Variants in CYP2J2 observed in about 807,000 individuals in gnomAD.
CYP2J2 encodes cytochrome P450 2J2.
In CYP2J2, 41 loss-of-function variants were observed where a neutral mutation model predicts 48.8. The ratio of observed to expected loss-of-function variants is 0.84; its 90% confidence interval spans 0.66 to 1.09. The LOEUF is 1.09. Ranked by LOEUF, CYP2J2 falls within the 50% of genes least tolerant of loss-of-function variation. The pLI, the probability that CYP2J2 is intolerant of heterozygous loss-of-function variation, is 0.00. For synonymous variants in CYP2J2, 221 were observed against 227.1 expected (o/e 0.97, Z 0.24); for missense variants, 644 against 617.3 (o/e 1.04, Z -0.46).
At chr1:59,958,335 A>G in the CYP2J2 span, among the ~76,000 whole-genome samples, 1 of 152,128 alleles carries the variant, frequency 6.6e-6, no homozygotes. Context: ...TTTATTATCA[A>G]CAAAATTTTC....
the CYP2J2 span, among the ~76,000 whole-genome samples, chr1:59,946,918 CTTA>C: frequency 6.6e-6 from 1 of 151,690 alleles, no homozygotes; most frequent in African/African-American, 2.4e-5. Flanking sequence ...GCATATAGTT[CTTA>C]TTAATTCCTG....
Position 59,926,512 on chromosome 1 carries a change from G to A in CYP2J2, c.210+25C>T, listed in dbSNP as rs964878911. 4.4e-6 allele frequency: 7 copies of A among 1,593,618 alleles called. No homozygotes were observed. In the African/African-American group the frequency reaches 5.4e-5, roughly 12 times the overall value. On this transcript the variant is annotated intron_variant, in intron 1 of 8. Transcript: ENST00000371204. The stretch of plus-strand genomic sequence containing the variant: ...CAGAACAGAGTTAGGGTCAGGACAC[G>A]CTAGGCACCTTCTCCCACTCCTACC...
At chr1:59,896,486 C>A (rs563842486) in intron 8 of CYP2J2, among the ~76,000 whole-genome samples, 19 of 152,006 alleles carry the variant, frequency 1.2e-4, no homozygotes, top group Non-Finnish European at 7.4e-5. Context: ...TTATTTGCAA[C>A]TTCCTCTCAT....
chr1:59,955,507 C>A, the CYP2J2 span, among the ~76,000 whole-genome samples: 1 of 151,982 alleles, frequency 6.6e-6, no homozygotes, highest in African/African-American at 2.4e-5. Flanking sequence ...AGGATATTTT[C>A]ATGATCTTAA....
At chr1:59,916,984 T>C (rs1476500905) in intron 1 of CYP2J2, among the ~76,000 whole-genome samples, 2 of 152,144 alleles carry the variant, frequency 1.3e-5, no homozygotes, top group African/African-American at 4.8e-5. Flanking sequence ...GTATGCTAGA[T>C]AATACGAGGT....
intron 8 of CYP2J2, among the ~76,000 whole-genome samples, chr1:59,898,812 C>T (rs528260858): frequency 6.6e-6 from 1 of 152,302 alleles, no homozygotes; most frequent in South Asian, 2.1e-4. Flanking sequence ...CTATTAATAA[C>T]TGGGCTGTTG....
intron 1 of CYP2J2, among the ~76,000 whole-genome samples, chr1:59,926,252 G>A (rs1644562916): frequency 6.6e-6 from 1 of 152,144 alleles, no homozygotes; most frequent in Non-Finnish European, 1.5e-5. Flanking sequence ...ATATAAAAGA[G>A]GGCAAGGTAA....
the CYP2J2 span, among the ~76,000 whole-genome samples, chr1:59,937,909 CTT>C: frequency 3.9e-5 from 6 of 152,006 alleles, no homozygotes; most frequent in Admixed American, 3.9e-4. Context: ...AGAATTTCTG[CTT>C]GATTCTTTTT....
intron 7 of CYP2J2, chr1:59,904,309 ATACAT>A (rs1644346540): frequency 6.6e-6 from 1 of 152,224 alleles, no homozygotes; most frequent in African/African-American, 2.4e-5. Flanking sequence ...AAATAAATAC[ATACAT>A]TAATTAATAA....
upstream of CYP2J2, among the ~76,000 whole-genome samples, chr1:59,927,420 C>A (rs1341502042): frequency 1.3e-5 from 2 of 152,132 alleles, no homozygotes; most frequent in Non-Finnish European, 2.9e-5. Flanking sequence ...CTCTCCAAAG[C>A]CCCAAGACTG....
chr1:59,954,510 A>G, the CYP2J2 span, among the ~76,000 whole-genome samples: 11 of 151,732 alleles, frequency 7.2e-5, no homozygotes, highest in African/African-American at 2.7e-4. Flanking sequence ...TGAATTAAAT[A>G]ACCATTTTGA....
chr1:59,966,316 T>C, the CYP2J2 span, among the ~76,000 whole-genome samples: 2 of 152,202 alleles, frequency 1.3e-5, no homozygotes, highest in African/African-American at 4.8e-5. Context: ...TCTACTTATA[T>C]CCTTTCATGG....
chr1:59,957,942 A>G, the CYP2J2 span, among the ~76,000 whole-genome samples: 1 of 152,172 alleles, frequency 6.6e-6, no homozygotes, highest in Admixed American at 6.5e-5. Context: ...CTAGGAAATT[A>G]TGGAGCAATA....
rs2229191 is a variant in CYP2J2, at chr1:59,907,828, G to A, written c.961C>T (p.Arg321Ter). The change falls in exon 6 of 9, where the codon CGA becomes TGA. Residue 321 changes from arginine to a stop codon, truncating the protein, a stop_gained. Coordinates refer to ENST00000371204, the MANE Select transcript of CYP2J2 (RefSeq NM_000775.4). LOFTEE classifies it high-confidence loss of function. ...AGGGCCATATAAAGCAGAGCCCATC[G>A]CAGAGTTGTGGAAGTTGTCTCGGTT... ...AGTETTSTTL[R>*]WALLYMALYP... 6.2e-6 allele frequency: 10 copies of A among 1,614,040 alleles called. No homozygotes were observed. In the East Asian group the frequency reaches 8.9e-5, roughly 14 times the overall value.
the CYP2J2 span, among the ~76,000 whole-genome samples, chr1:59,956,100 T>C: frequency 6.6e-6 from 1 of 151,780 alleles, no homozygotes; most frequent in Non-Finnish European, 1.5e-5. Context: ...AGGGAGAAAG[T>C]GAATGGGAAA....
At chr1:59,923,036 T>A (rs539919059) in intron 1 of CYP2J2, among the ~76,000 whole-genome samples, 2 of 152,180 alleles carry the variant, frequency 1.3e-5, no homozygotes, top group Non-Finnish European at 2.9e-5. Flanking sequence ...AGAGGGCAAA[T>A]TAGGCTTTCC....
chr1:59,950,020 G>A, the CYP2J2 span, among the ~76,000 whole-genome samples: 1 of 152,116 alleles, frequency 6.6e-6, no homozygotes, highest in African/African-American at 2.4e-5. Context: ...AAGAAGCATA[G>A]TCCAATTCAA....
intron 1 of CYP2J2, among the ~76,000 whole-genome samples, chr1:59,918,402 C>A (rs571089659): frequency 2.8e-4 from 42 of 152,144 alleles, no homozygotes; most frequent in Non-Finnish European, 5.4e-4. Flanking sequence ...CTGAAATAAA[C>A]TTCCTAAGAA....
At position 59,904,853 on chromosome 1, in the gene CYP2J2, GA is replaced by G; in HGVS notation, c.1191+17del. ...TTCTACCCCCCTAAAAGATGGGCTT[GA>G]AGATCTGCTTAATTACCTTGGGCAG... is the stretch of plus-strand genomic sequence containing the variant. On this transcript the variant is annotated intron_variant, in intron 7 of 8. Coordinates refer to ENST00000371204, the MANE Select transcript of CYP2J2 (RefSeq NM_000775.4). The G allele has an allele frequency of 1.2e-6, 2 of 1,606,372 alleles. No homozygotes were observed. The highest frequency in any genetic ancestry group is 1.7e-6 in the Non-Finnish European group (2 of 1,176,454).
Sources: gnomAD v4.1 joint callset for allele counts (sites outside exome capture counted in the v4.1 genomes callset) on GRCh38, gnomAD v4.1.1 for gene constraint, MANE v1.5 for transcripts, NCBI Gene and HGNC (gene_info 2026-07-23, HGNC 2026-07-21) for gene names.